SPG7: variants seen among roughly 807,000 people sequenced by gnomAD.
The protein encoded by SPG7 is SPG7 matrix AAA peptidase subunit, paraplegin.
Under a neutral mutation model 81.9 loss-of-function variants are expected in SPG7, and 103 were observed. That is an observed-to-expected ratio of 1.26 (90% CI 1.07 to 1.48). The LOEUF (loss-of-function observed/expected upper bound fraction) is 1.48, where lower values mean the gene tolerates loss of function less well. Among genes scored for constraint, SPG7 ranks in the 40% most tolerant of loss-of-function variants. The pLI is 0.00. For missense variants in SPG7, 1,241 were observed against 1,087.3 expected, an observed-to-expected ratio of 1.14 and a Z score of -1.99; for synonymous variants, 534 against 444.2, an observed-to-expected ratio of 1.20 and a Z score of -2.54.
At chr16:89,516,279 C>A (rs763483117) in intron 3 of SPG7, among the ~76,000 whole-genome samples, 1 of 151,886 alleles carries the variant, frequency 6.6e-6, no homozygotes, top group African/African-American at 2.4e-5. Context: ...TGAGCCACCA[C>A]GCCCGGCCGT....
At chr16:89,543,538 C>G (rs1034540319) in intron 9 of SPG7, 4 of 151,160 alleles carry the variant, frequency 2.6e-5, no homozygotes, top group African/African-American at 9.7e-5. Flanking sequence ...AGGTTTCACC[C>G]TTTTGGCCAG....
rs192733071 is a variant in SPG7, at chr16:89,546,144, C to T, written c.1450-514C>T. ...CTCTATCCCCCAGGCTGGAGTGCAG[C>T]GGCGCGATCTCGGCTCACTGCAACC... is the stretch of plus-strand genomic sequence containing the variant. On this transcript the variant is annotated intron_variant, in intron 10 of 16. Transcript: ENST00000645818. 1.6e-4 allele frequency: 47 copies of T among 292,456 alleles called. No individual in the cohort carries two copies. In the East Asian group the frequency reaches 3.3e-3, roughly 20 times the overall value. The allele number at this position is 292,456 out of a possible 1,614,324, so 18.1% of individuals were successfully genotyped here.
At chr16:89,555,807 C>A (rs574205127) in intron 16 of SPG7, 47 of 394,824 alleles carry the variant, frequency 1.2e-4, no homozygotes, top group Admixed American at 6.2e-4. Flanking sequence ...GCTCTTTGTC[C>A]CATGTTGTGA....
In SPG7 at chr16:89,553,052, C is replaced by G. The variant is rs1189687320; in HGVS notation, c.1853C>G (p.Thr618Ser). 6.2e-7 allele frequency: 1 copy of G among 1,614,064 alleles called. No homozygotes were observed. Among genetic ancestry groups the G allele is most frequent in the Non-Finnish European group, 8.5e-7 (1 of 1,180,002 alleles). ...QMLPRDQHLF[T>S]KEQLFERMCM... Reference sequence around the variant, plus strand: ...CTCCCCAGAGACCAGCACCTCTTCACCAAGGAGCAGCTGTTTGAGCGGATG... The same window carrying G: ...CTCCCCAGAGACCAGCACCTCTTCAGCAAGGAGCAGCTGTTTGAGCGGATG... The change falls in exon 14 of 17, where the codon ACC becomes AGC. Residue 618 changes from threonine (T) to serine (S), a missense_variant. Thr to Ser is a moderately conservative substitution (Grantham distance 58, BLOSUM62 1). Transcript: ENST00000645818.
At chr16:89,543,164 C>G (rs2434865) in intron 9 of SPG7, 47,397 of 151,278 alleles carry the variant, frequency 0.31, 8,135 homozygotes, top group African/African-American at 0.46. Context: ...AGCCAGGATG[C>G]TCTCCATCTG....
chr16:89,541,041 G>A (rs983460131), intron 9 of SPG7: 7 of 984,242 alleles, frequency 7.1e-6, no homozygotes, highest in East Asian at 1.1e-4. Flanking sequence ...TCCTTATCAC[G>A]GTGTTGTACG....
chr16:89,513,229 A>G (rs1370223313), intron 3 of SPG7, among the ~76,000 whole-genome samples, 192 bp downstream of exon 3: 1 of 152,118 alleles, frequency 6.6e-6, no homozygotes, highest in African/African-American at 2.4e-5. Context: ...ACATAGCGAG[A>G]CCCTGTCTCA....
At chr16:89,510,624 T>A (rs1304444814) in intron 2 of SPG7, 32 bp downstream of exon 2, 1 of 1,317,812 alleles carries the variant, frequency 7.6e-7, no homozygotes, top group South Asian at 1.2e-5. Flanking sequence ...CAGCTGAGCA[T>A]GACTGCACAC....
chr16:89,550,128 C>A (rs889911154), intron 12 of SPG7: 1 of 351,558 alleles, frequency 2.8e-6, no homozygotes. Flanking sequence ...AGGAGCAGGG[C>A]CCAGCCAGGG....
chr16:89,549,046 G>A (rs1023661596), intron 12 of SPG7: 11 of 456,464 alleles, frequency 2.4e-5, no homozygotes, highest in East Asian at 7.0e-5. Context: ...TGCTGTGCCA[G>A]ACACTGCAAA....
In SPG7 at chr16:89,524,026, C is replaced by T. The variant is rs766494421; in HGVS notation, c.397C>T (p.Arg133Trp). Residue 133 changes from arginine (R) to tryptophan (W), a missense_variant, in exon 4 of 17, where the codon CGG becomes TGG. Physicochemically the swap from Arg to Trp is moderately radical, Grantham distance 101. Coordinates refer to ENST00000645818, the MANE Select transcript of SPG7 (RefSeq NM_003119.4). ...CTCAGAGGAGAGGAGACGCCGTGAGCGGGACGACCAGATGTACCGAGAGCG... is the reference window on the plus strand; with the variant it reads ...CTCAGAGGAGAGGAGACGCCGTGAGTGGGACGACCAGATGTACCGAGAGCG... ...EDEEERRRRERDDQMYRERLR... is the reference protein window; with the variant it reads ...EDEEERRRREWDDQMYRERLR... 6 of 1,613,010 alleles carry T rather than the reference C, an allele frequency of 3.7e-6. No homozygotes were observed. Among genetic ancestry groups the T allele is most frequent in the Admixed American group, 1.7e-5 (1 of 60,016 alleles).
chr16:89,545,975 T>C (rs1042392997), intron 10 of SPG7: 4 of 437,846 alleles, frequency 9.1e-6, no homozygotes, highest in African/African-American at 2.0e-5. Context: ...AGGACTACTA[T>C]GGGCGTGCGC....
chr16:89,556,900 T>C lies in SPG7; in HGVS notation c.2195T>C (p.Leu732Pro). 2 of 1,613,946 alleles carry C rather than the reference T, an allele frequency of 1.2e-6. No homozygotes were observed. Among genetic ancestry groups the C allele is most frequent in the African/African-American group, 1.3e-5 (1 of 75,022 alleles). The change falls in exon 17 of 17, where the codon CTT (leucine) becomes CCT (proline). Residue 732 changes from leucine (L) to proline (P), a missense_variant. Leu to Pro is a moderately conservative substitution (Grantham distance 98). Coordinates refer to ENST00000645818, the MANE Select transcript of SPG7 (RefSeq NM_003119.4). ...TGTTCTTTCTAGCTGGCAAACGCCCTTCTGGAAAAGGAAGTGATAAACTAT... is the reference window on the plus strand; with the variant it reads ...TGTTCTTTCTAGCTGGCAAACGCCCCTCTGGAAAAGGAAGTGATAAACTAT... ...LDKLQALANA[L>P]LEKEVINYED... is the part of the protein sequence containing the mutation.
chr16:89,550,459 C>T, intron 12 of SPG7, 35 bp from the exon 13 acceptor site: 1 of 1,486,010 alleles, frequency 6.7e-7, no homozygotes, highest in Middle Eastern at 1.7e-4. Flanking sequence ...AGGCGTGAGC[C>T]ACCGCGCCCA....
intron 9 of SPG7, chr16:89,541,788 C>T (rs1049954697): frequency 6.6e-6 from 1 of 152,204 alleles, no homozygotes; most frequent in Non-Finnish European, 1.5e-5. Context: ...CCAGAAAGTC[C>T]GTATCCTGAA....
chr16:89,528,317 G>A lies in SPG7; in HGVS notation c.759-1160G>A, dbSNP rs149068730. 1.2e-3 allele frequency among the ~76,000 whole-genome samples: 187 copies of A among 151,774 alleles called. 1 individual carries two copies. Among genetic ancestry groups the A allele is most frequent in the African/African-American group, 4.0e-3 (167 of 41,412 alleles). On this transcript the variant is annotated intron_variant, in intron 5 of 16. Coordinates refer to ENST00000645818, the MANE Select transcript of SPG7 (RefSeq NM_003119.4). Reference sequence around the variant, plus strand: ...TGAGGCAGGAGGATGGCGTGAACCCGGGAGGCGGAGCTTACAGTGAGCCAA... The same window carrying A: ...TGAGGCAGGAGGATGGCGTGAACCCAGGAGGCGGAGCTTACAGTGAGCCAA...
intron 10 of SPG7, 76 bp downstream of exon 10, chr16:89,544,848 C>G (rs2058543056): frequency 6.4e-6 from 10 of 1,561,020 alleles, no homozygotes; most frequent in Non-Finnish European, 8.8e-6. Context: ...GGCCTCTCCT[C>G]TAAGACACTT....
At chr16:89,546,322 G>T in intron 10 of SPG7, 1 of 351,024 alleles carries the variant, frequency 2.8e-6, no homozygotes, top group South Asian at 2.2e-5. Flanking sequence ...CTCCCAAAGT[G>T]CTAGGATTAC....
intron 4 of SPG7, among the ~76,000 whole-genome samples, chr16:89,525,864 G>C (rs1362781751): frequency 1.3e-5 from 2 of 152,198 alleles, no homozygotes; most frequent in South Asian, 4.1e-4. Flanking sequence ...GGCTCCTGCT[G>C]TGTCTGCAGG....
Sources: allele counts gnomAD v4.1 joint callset (sites outside exome capture counted in the v4.1 genomes callset), GRCh38; gene constraint gnomAD v4.1.1; transcripts MANE v1.5; gene names NCBI Gene and HGNC (gene_info 2026-07-23, HGNC 2026-07-21).